KMO: variants seen among roughly 807,000 people sequenced by gnomAD.
KMO encodes the protein kynurenine 3-monooxygenase.
A neutral mutation model predicts 57.8 loss-of-function variants in KMO; 24 were observed. That is an observed-to-expected ratio of 0.42 (90% confidence interval 0.30 to 0.58). The LOEUF (loss-of-function observed/expected upper bound fraction) is 0.58. KMO is among the 20% of genes least tolerant of loss of function. KMO has a pLI of 0.22. For missense variants in KMO, 483 were observed against 588.2 expected, an observed-to-expected ratio of 0.82 and a Z score of 1.85; for synonymous variants, 210 against 193.6, an observed-to-expected ratio of 1.08 and a Z score of -0.70.
chr1:241,594,102 T>C lies in KMO; in HGVS notation c.*1949T>C, dbSNP rs1236343347. 3 of 260,264 alleles carry C rather than the reference T, an allele frequency of 1.2e-5. No individual in the cohort carries two copies. In the East Asian group the frequency reaches 2.5e-4, roughly 22 times the overall value. 16.1% of individuals were successfully genotyped at this position (260,264 alleles called of 1,614,324 possible). On this transcript the variant is annotated 3_prime_UTR_variant, in exon 15 of 15. Coordinates refer to ENST00000366559, the MANE Select transcript of KMO (RefSeq NM_003679.5). ...TACAGTAAGGTATTTTCGAGAAAAA[T>C]GCATTACGTGTTTTGGAAAATAGAG... is the stretch of plus-strand genomic sequence containing the variant.
At chr1:241,572,052 A>G (rs1320511627) in intron 10 of KMO, among the ~76,000 whole-genome samples, 1 of 151,470 alleles carries the variant, frequency 6.6e-6, no homozygotes, top group Non-Finnish European at 1.5e-5. Context: ...TTTTTAGTAG[A>G]GATGTGGTTT....
intron 7 of KMO, among the ~76,000 whole-genome samples, chr1:241,562,901 A>T (rs55851224): frequency 3.6e-5 from 3 of 84,190 alleles, no homozygotes; most frequent in South Asian, 3.8e-4. Context: ...GAAGGAAGGA[A>T]GGAAGGAAGG....
intron 10 of KMO, among the ~76,000 whole-genome samples, chr1:241,584,756 T>C (rs1360379099): frequency 6.6e-6 from 1 of 152,192 alleles, no homozygotes; most frequent in Non-Finnish European, 1.5e-5. Context: ...ATATTCTCCA[T>C]GAAGCAGTGG....
chr1:241,550,672 A>G (rs1661361149), intron 3 of KMO, among the ~76,000 whole-genome samples: 1 of 152,178 alleles, frequency 6.6e-6, no homozygotes, highest in African/African-American at 2.4e-5. Flanking sequence ...AAAATCACTT[A>G]ACCTCTGTAA....
intron 1 of KMO, among the ~76,000 whole-genome samples, chr1:241,544,234 C>T (rs866223632): frequency 1.5e-4 from 23 of 152,190 alleles, no homozygotes; most frequent in Non-Finnish European, 2.5e-4. Flanking sequence ...TTTCTCCCTA[C>T]CTGTTTTCTC....
intron 2 of KMO, 42 bp downstream of exon 2, chr1:241,548,940 G>A (rs776040716): frequency 7.4e-7 from 1 of 1,353,366 alleles, no homozygotes; most frequent in African/African-American, 1.4e-5. Flanking sequence ...GCTGGGCACG[G>A]TGGCTCCTGG....
intron 1 of KMO, among the ~76,000 whole-genome samples, chr1:241,544,713 C>T (rs527863269): frequency 1.3e-5 from 2 of 152,076 alleles, no homozygotes; most frequent in African/African-American, 4.8e-5. Flanking sequence ...TGATTTTTAC[C>T]TGTGAGCCCA....
intron 8 of KMO, among the ~76,000 whole-genome samples, chr1:241,565,636 A>G (rs938475646): frequency 6.6e-6 from 1 of 150,590 alleles, no homozygotes; most frequent in East Asian, 2.0e-4. Context: ...AGGTGGGAGG[A>G]TTGCTTGAGC....
chr1:241,566,518 A>C lies in KMO; in HGVS notation c.715A>C (p.Met239Leu), dbSNP rs774625521. The C allele has an allele frequency of 6.2e-7, 1 of 1,613,654 alleles. No homozygotes were observed. The change falls in exon 9 of 15, where the codon ATG becomes CTG. Residue 239 changes from methionine (M) to leucine (L), a missense_variant. Physicochemically the swap from Met to Leu is conservative, Grantham distance 15 (BLOSUM62 2). Around this residue, in one of 3 missense-constraint regions of KMO, gnomAD observed 410 missense variants for 492.3 expected, o/e 0.83. Coordinates refer to ENST00000366559, the MANE Select transcript of KMO (RefSeq NM_003679.5). ...CAAATCATTCACATGTACTTTGTTC[A>C]TGCCCTTTGAAGAGTTTGAAAAACT... ...MNKSFTCTLF[M>L]PFEEFEKLLT...
At chr1:241,572,370 AG>A (rs1470497719) in intron 10 of KMO, among the ~76,000 whole-genome samples, 1 of 152,084 alleles carries the variant, frequency 6.6e-6, no homozygotes, top group African/African-American at 2.4e-5. Context: ...ATTAGCATGT[AG>A]TTGCTCATAA....
intron 1 of KMO, among the ~76,000 whole-genome samples, chr1:241,536,756 G>A (rs1295830446): frequency 6.6e-6 from 1 of 152,162 alleles, no homozygotes; most frequent in Non-Finnish European, 1.5e-5. Flanking sequence ...ACCCAGGAAA[G>A]TTCTCCATTT....
At chr1:241,539,111 G>A (rs150533174) in intron 1 of KMO, among the ~76,000 whole-genome samples, 4 of 152,200 alleles carry the variant, frequency 2.6e-5, no homozygotes, top group South Asian at 2.1e-4. Flanking sequence ...GGCTGGGCAC[G>A]GTGGCTCAGG....
intron 5 of KMO, among the ~76,000 whole-genome samples, chr1:241,559,785 T>C (rs1483310317): frequency 2.0e-5 from 3 of 152,232 alleles, no homozygotes; most frequent in Admixed American, 2.0e-4. Flanking sequence ...ACATAATTAA[T>C]GTGTACAACT....
chr1:241,551,074 T>C (rs779857249), intron 4 of KMO, 30 bp downstream of exon 4: 2 of 1,246,116 alleles, frequency 1.6e-6, no homozygotes, highest in Non-Finnish European at 2.3e-6. Flanking sequence ...CATTGTGCAT[T>C]GATTATAAGG....
chr1:241,589,269 A>G (rs995625433), intron 12 of KMO, among the ~76,000 whole-genome samples: 1 of 152,224 alleles, frequency 6.6e-6, no homozygotes, highest in Non-Finnish European at 1.5e-5. Context: ...AAAAAAATGC[A>G]TAATACCAAA....
At chr1:241,568,776 C>A in intron 10 of KMO, 129 bp downstream of exon 10, 1 of 872,824 alleles carries the variant, frequency 1.1e-6, no homozygotes, top group Non-Finnish European at 1.7e-6. Context: ...ATTCAGCAAT[C>A]ATACCAGCTG....
At chr1:241,557,197 G>A (rs922811301) in intron 5 of KMO, among the ~76,000 whole-genome samples, 15 of 152,170 alleles carry the variant, frequency 9.9e-5, no homozygotes, top group Admixed American at 1.3e-4. Context: ...AAAAGCCACT[G>A]GATTACAAAT....
intron 10 of KMO, among the ~76,000 whole-genome samples, chr1:241,584,961 C>T (rs967560356): frequency 3.3e-5 from 5 of 152,132 alleles, no homozygotes; most frequent in Admixed American, 1.3e-4. Flanking sequence ...TGTGGTGGCT[C>T]ACGCCTGTAA....
At chr1:241,562,122 C>A in intron 6 of KMO, 45 bp from the exon 7 acceptor site, 1 of 1,551,996 alleles carries the variant, frequency 6.4e-7, no homozygotes, top group Non-Finnish European at 8.8e-7. Flanking sequence ...ATCATTTTCA[C>A]CACTAGACAT....
Sources: gnomAD v4.1 joint callset for allele counts (sites outside exome capture counted in the v4.1 genomes callset) on GRCh38, gnomAD v4.1.1 for gene constraint, gnomAD v4.1.1 regional missense constraint, MANE v1.5 for transcripts, NCBI Gene and HGNC (gene_info 2026-07-23, HGNC 2026-07-21) for gene names.